Variants in SHTN1 observed in about 807,000 individuals in gnomAD.
SHTN1 encodes the protein shootin 1.
SHTN1 carries 42 observed loss-of-function variants against 83.1 expected under a neutral mutation model. That is an observed-to-expected ratio of 0.51 (90% confidence interval 0.39 to 0.65). The LOEUF is 0.65. Ranked by LOEUF, SHTN1 falls within the 30% of genes least tolerant of loss-of-function variation. The pLI, the probability that SHTN1 is intolerant of heterozygous loss-of-function variation, is 0.00. For missense variants in SHTN1, 622 were observed against 737.8 expected (o/e 0.84, Z 1.82); for synonymous variants, 224 against 247.7 (o/e 0.90, Z 0.90).
chr10:116,895,019 C>G (rs1847466615), intron 16 of SHTN1, among the ~76,000 whole-genome samples: 1 of 152,102 alleles, frequency 6.6e-6, no homozygotes, highest in African/African-American at 2.4e-5. Context: ...AACACAAACT[C>G]AAAGGTGTTA....
At chr10:117,061,779 T>C (rs770972374) in intron 1 of SHTN1, among the ~76,000 whole-genome samples, 9 of 152,180 alleles carry the variant, frequency 5.9e-5, no homozygotes, top group Non-Finnish European at 1.0e-4. Flanking sequence ...CCAGGTTTTC[T>C]ACAAAGAGGA....
intron 1 of SHTN1, among the ~76,000 whole-genome samples, chr10:117,064,194 A>G (rs1358296571): frequency 6.6e-6 from 1 of 152,208 alleles, no homozygotes; most frequent in Non-Finnish European, 1.5e-5. Context: ...TGGCCTCAAA[A>G]GTAGATGCTC....
intron 16 of SHTN1, among the ~76,000 whole-genome samples, chr10:116,888,854 T>G (rs1322730973): frequency 1.3e-5 from 2 of 152,258 alleles, no homozygotes; most frequent in East Asian, 3.8e-4. Flanking sequence ...CAGATTTATC[T>G]GTCGGCAACT....
chr10:116,896,777 A>G (rs912263997), intron 16 of SHTN1, among the ~76,000 whole-genome samples: 126 of 143,844 alleles, frequency 8.8e-4, no homozygotes, highest in South Asian at 4.5e-4. Context: ...AGACTGCCCA[A>G]TTTATTTTCT....
chr10:117,077,100 G>T (rs1853169344), intron 1 of SHTN1, among the ~76,000 whole-genome samples: 1 of 152,188 alleles, frequency 6.6e-6, no homozygotes, highest in Non-Finnish European at 1.5e-5. Flanking sequence ...AAGAAGAAAT[G>T]TGCAATCAAA....
intron 1 of SHTN1, among the ~76,000 whole-genome samples, chr10:117,124,799 T>G (rs535816560): frequency 6.6e-6 from 1 of 152,304 alleles, no homozygotes; most frequent in Non-Finnish European, 1.5e-5. Context: ...ATAAAAGTAA[T>G]AATTCTATTT....
chr10:117,022,908 ACT>A (rs1852284046), intron 2 of SHTN1, among the ~76,000 whole-genome samples: 1 of 152,134 alleles, frequency 6.6e-6, no homozygotes, highest in Non-Finnish European at 1.5e-5. Flanking sequence ...ACAGAGCAAA[ACT>A]CTGTCTAAAA....
intron 9 of SHTN1, among the ~76,000 whole-genome samples, chr10:116,934,839 T>C (rs565366968): frequency 2.0e-5 from 3 of 152,304 alleles, no homozygotes; most frequent in East Asian, 1.9e-4. Flanking sequence ...TCCTCTCTTA[T>C]TTCCTTGAGC....
intron 1 of SHTN1, among the ~76,000 whole-genome samples, chr10:116,987,847 G>A (rs1158755797): frequency 1.3e-5 from 2 of 151,880 alleles, no homozygotes; most frequent in Non-Finnish European, 2.9e-5. Context: ...CCGAGGAGGC[G>A]GAGGTTGCAG....
intron 1 of SHTN1, among the ~76,000 whole-genome samples, chr10:117,090,752 CAGAAGGAAGGAAGGAAGGAAGGAA>C (rs1440798064): frequency 0.036 from 3,955 of 110,606 alleles, 100 homozygotes; most frequent in East Asian, 0.056. Context: ...TTTGTGAAAA[CAGAAGGAAGGAAGGAAGGAAGGAA>C]GGAAGGAAGG....
chr10:117,123,486 T>G (rs1425641351), intron 1 of SHTN1, among the ~76,000 whole-genome samples: 4 of 152,154 alleles, frequency 2.6e-5, no homozygotes, highest in Non-Finnish European at 5.9e-5. Flanking sequence ...ACCCCTTAAC[T>G]TCCAATAATG....
At chr10:116,952,854 C>T (rs977477114) in intron 5 of SHTN1, among the ~76,000 whole-genome samples, 27 of 152,316 alleles carry the variant, frequency 1.8e-4, no homozygotes, top group African/African-American at 3.1e-4. Flanking sequence ...TTTACATAAA[C>T]TCAGCTTGGA....
chr10:116,887,453 C>G (rs1482823205), intron 16 of SHTN1, among the ~76,000 whole-genome samples: 1 of 152,080 alleles, frequency 6.6e-6, no homozygotes, highest in African/African-American at 2.4e-5. Flanking sequence ...AGGATCAGGC[C>G]TTTTTGTCCC....
chr10:116,883,651 T>G lies in SHTN1; in HGVS notation c.*2693A>C, dbSNP rs1288793860. On this transcript the variant is annotated 3_prime_UTR_variant, in exon 17 of 17. Transcript: ENST00000355371. ...GTCTGGAAAGACAATTAAAAATAAT[T>G]GTTACCTGTACTACTCCATTTCCAG... 6.6e-6 allele frequency: 1 copy of G among 152,568 alleles called. No individual in the cohort carries two copies. Among genetic ancestry groups the G allele is most frequent in the Non-Finnish European group, 1.5e-5 (1 of 68,310 alleles). The allele number at this position is 152,568 out of a possible 1,614,324, so 9.5% of individuals were successfully genotyped here.
At chr10:117,112,025 G>A (rs1230015509) in intron 1 of SHTN1, among the ~76,000 whole-genome samples, 3 of 152,038 alleles carry the variant, frequency 2.0e-5, no homozygotes, top group Non-Finnish European at 4.4e-5. Flanking sequence ...GAGTCCAGTG[G>A]CACGCTCTCT....
chr10:117,076,898 G>A (rs1181899750), intron 1 of SHTN1, among the ~76,000 whole-genome samples: 1 of 152,188 alleles, frequency 6.6e-6, no homozygotes, highest in Non-Finnish European at 1.5e-5. Context: ...TAATTGCACA[G>A]TATCCATTAT....
chr10:117,111,121 C>A (rs1853761579), intron 1 of SHTN1, among the ~76,000 whole-genome samples: 1 of 151,664 alleles, frequency 6.6e-6, no homozygotes, highest in Non-Finnish European at 1.5e-5. Flanking sequence ...TCGCTTGAAC[C>A]TGGGAGGGGG....
Position 116,929,390 on chromosome 10 carries a change from T to C in SHTN1, c.1012+459A>G, listed in dbSNP as rs571333101. 7.4e-4 allele frequency among the ~76,000 whole-genome samples: 112 copies of C among 152,288 alleles called. 2 individuals are homozygous for C. The South Asian group carries it at 0.022, about 30-fold the overall frequency. On this transcript the variant is annotated intron_variant, in intron 10 of 16. Coordinates refer to ENST00000355371, the MANE Select transcript of SHTN1 (RefSeq NM_001127211.3). ...GCCCAGTTCATTGTTAGGTACAATATAGAAAGTATTATTTCATGTGTATTA... is the reference window on the plus strand; with the variant it reads ...GCCCAGTTCATTGTTAGGTACAATACAGAAAGTATTATTTCATGTGTATTA...
chr10:116,899,108 A>T (rs919554016), intron 16 of SHTN1, among the ~76,000 whole-genome samples: 2 of 152,232 alleles, frequency 1.3e-5, no homozygotes, highest in Admixed American at 6.5e-5. Flanking sequence ...TAAGGCAGGA[A>T]TTGTTCCATG....
Sources: allele counts gnomAD v4.1 joint callset (sites outside exome capture counted in the v4.1 genomes callset), GRCh38; gene constraint gnomAD v4.1.1; transcripts MANE v1.5; gene names NCBI Gene and HGNC (gene_info 2026-07-23, HGNC 2026-07-21).